Variants in RXFP1 observed in about 807,000 individuals in gnomAD.
RXFP1 encodes relaxin receptor 1.
A neutral mutation model predicts 89.8 loss-of-function variants in RXFP1; 73 were observed. The observed-to-expected ratio is 0.81, with a 90% CI of 0.67 to 0.99. The LOEUF is 0.99. RXFP1 is among the 50% of genes least tolerant of loss of function. RXFP1 has a pLI of 0.00. For missense variants in RXFP1, 793 were observed against 895.5 expected (o/e 0.89, Z 1.46); for synonymous variants, 277 against 305.5 (o/e 0.91, Z 0.97).
chr4:158,597,740 T>C (rs1760915193), intron 3 of RXFP1, among the ~76,000 whole-genome samples: 1 of 152,172 alleles, frequency 6.6e-6, no homozygotes, highest in Admixed American at 6.5e-5. Context: ...AACGCTAATT[T>C]CACTGCCCTC....
intron 1 of RXFP1, among the ~76,000 whole-genome samples, chr4:158,541,942 T>C (rs1463499244): frequency 6.6e-6 from 1 of 150,732 alleles, no homozygotes; most frequent in Non-Finnish European, 1.5e-5. Context: ...TTTTTTGAGA[T>C]GGAATCTCAC....
intron 14 of RXFP1, among the ~76,000 whole-genome samples, chr4:158,642,141 A>G (rs1167930074): frequency 6.6e-6 from 1 of 151,926 alleles, no homozygotes; most frequent in Non-Finnish European, 1.5e-5. Context: ...TAAAATCTTT[A>G]ATATTATTTT....
At chr4:158,595,147 C>G (rs1760283066) in intron 3 of RXFP1, among the ~76,000 whole-genome samples, 1 of 152,182 alleles carries the variant, frequency 6.6e-6, no homozygotes, top group African/African-American at 2.4e-5. Flanking sequence ...TTACCTTTTG[C>G]TAGTCCTAGT....
intron 1 of RXFP1, among the ~76,000 whole-genome samples, chr4:158,550,890 T>C (rs948826738): frequency 3.3e-5 from 5 of 152,290 alleles, no homozygotes; most frequent in Admixed American, 2.0e-4. Context: ...TATTAGAACT[T>C]ATTTAATGGA....
chr4:158,579,432 T>TA (rs1261735994), intron 2 of RXFP1, among the ~76,000 whole-genome samples: 2 of 152,172 alleles, frequency 1.3e-5, no homozygotes, highest in Admixed American at 6.5e-5. Flanking sequence ...CACCCCCAGC[T>TA]AATTTTTGTA....
intron 2 of RXFP1, among the ~76,000 whole-genome samples, chr4:158,589,671 G>C (rs1033643500): frequency 6.6e-6 from 1 of 152,192 alleles, no homozygotes; most frequent in Admixed American, 6.5e-5. Context: ...AGGGGATTTA[G>C]AGTGGTCATA....
intron 1 of RXFP1, among the ~76,000 whole-genome samples, chr4:158,566,374 ATTT>A (rs1292960153): frequency 4.9e-5 from 1 of 20,228 alleles, no homozygotes; most frequent in African/African-American, 8.4e-5. Context: ...TTATCTCAAA[ATTT>A]TTTTTTTGAG....
chr4:158,554,923 C>T (rs907908998), intron 1 of RXFP1, among the ~76,000 whole-genome samples: 20 of 152,178 alleles, frequency 1.3e-4, no homozygotes, highest in African/African-American at 4.3e-4. Context: ...ATATGTATCT[C>T]ATAATATCAT....
chr4:158,535,813 C>T (rs138219172), intron 1 of RXFP1, among the ~76,000 whole-genome samples: 1 of 152,222 alleles, frequency 6.6e-6, no homozygotes, highest in Admixed American at 6.5e-5. Flanking sequence ...CAACTATTAT[C>T]TCTATTTCTC....
intron 1 of RXFP1, among the ~76,000 whole-genome samples, chr4:158,543,449 C>T (rs530746300): frequency 6.6e-6 from 1 of 152,176 alleles, no homozygotes; most frequent in South Asian, 2.1e-4. Context: ...TCACACAGTC[C>T]CACCTCGCTG....
At chr4:158,534,395 G>T in intron 1 of RXFP1, among the ~76,000 whole-genome samples, 1 of 151,888 alleles carries the variant, frequency 6.6e-6, no homozygotes, top group East Asian at 1.9e-4. Context: ...TTACAGGCAT[G>T]CACCACCACA....
intron 10 of RXFP1, among the ~76,000 whole-genome samples, chr4:158,627,111 T>C (rs915719147): frequency 1.0e-5 from 1 of 95,728 alleles, no homozygotes; most frequent in Non-Finnish European, 1.9e-5. Context: ...TGTGAAAAAA[T>C]AGTTACAATC....
chr4:158,636,555 T>C (rs959722511), intron 12 of RXFP1, among the ~76,000 whole-genome samples: 15 of 152,184 alleles, frequency 9.9e-5, no homozygotes, highest in African/African-American at 3.4e-4. Context: ...GTTCTAAGTG[T>C]TTTATCTTAA....
chr4:158,644,813 T>C, intron 14 of RXFP1, 96 bp from the exon 15 acceptor site: 2 of 845,666 alleles, frequency 2.4e-6, no homozygotes, highest in Non-Finnish European at 3.7e-6. Context: ...CTTAAGACAT[T>C]TTCTTTCTAC....
intron 1 of RXFP1, among the ~76,000 whole-genome samples, chr4:158,549,378 T>C (rs1749471788): frequency 1.3e-5 from 2 of 152,206 alleles, no homozygotes; most frequent in South Asian, 4.1e-4. Flanking sequence ...GTTTTTAACT[T>C]CTTTGCCATT....
At chr4:158,593,240 G>C (rs939890909) in intron 2 of RXFP1, among the ~76,000 whole-genome samples, 161 bp from the exon 3 acceptor site, 7 of 152,098 alleles carry the variant, frequency 4.6e-5, no homozygotes, top group African/African-American at 1.7e-4. Flanking sequence ...TCTCCAGGTG[G>C]GGGTCCATAA....
intron 14 of RXFP1, among the ~76,000 whole-genome samples, chr4:158,643,134 G>T (rs2150247031): frequency 6.6e-6 from 1 of 152,274 alleles, no homozygotes; most frequent in East Asian, 1.9e-4. Context: ...AGGAAAGATG[G>T]AGCCTCCATG....
chr4:158,541,350 G>GCGCACACACACACACA (rs1746564631), intron 1 of RXFP1, among the ~76,000 whole-genome samples: 1 of 139,794 alleles, frequency 7.2e-6, no homozygotes, highest in African/African-American at 2.7e-5. Context: ...AGAGCTTCAT[G>GCGCACACACACACACA]CACACACACA....
At chr4:158,576,623 A>G (rs1171112203) in intron 2 of RXFP1, among the ~76,000 whole-genome samples, 1 of 152,152 alleles carries the variant, frequency 6.6e-6, no homozygotes, top group Non-Finnish European at 1.5e-5. Flanking sequence ...GCAGAGATAC[A>G]TTAGAATCAA....
Sources: allele counts gnomAD v4.1 joint callset (sites outside exome capture counted in the v4.1 genomes callset), GRCh38; gene constraint gnomAD v4.1.1; transcripts MANE v1.5; gene names NCBI Gene and HGNC (gene_info 2026-07-23, HGNC 2026-07-21).